Variants in RNF212 observed in about 807,000 individuals in gnomAD.
RNF212 encodes the protein probable E3 SUMO-protein ligase RNF212.
Under a neutral mutation model 34.7 loss-of-function variants are expected in RNF212, and 33 were observed. That is an observed-to-expected ratio of 0.95 (90% CI 0.72 to 1.27). The LOEUF (loss-of-function observed/expected upper bound fraction) is 1.27, where lower values mean the gene tolerates loss of function less well. Ranked by LOEUF, RNF212 falls within the 50% of genes most tolerant of loss-of-function variation. RNF212 has a pLI of 0.00. For synonymous variants in RNF212, 140 were observed against 136.1 expected (o/e 1.03, Z -0.20); for missense variants, 377 against 362.2 (o/e 1.04, Z -0.33).
chr4:1,085,639 A>G, intron 5 of RNF212: 2 of 550,010 alleles, frequency 3.6e-6, no homozygotes, highest in East Asian at 3.1e-5. Context: ...GGCCCCTCCC[A>G]CTGCCTCAGC....
chr4:1,066,843 T>C (rs1267370930), downstream of RNF212, among the ~76,000 whole-genome samples: 1 of 152,132 alleles, frequency 6.6e-6, no homozygotes, highest in African/African-American at 2.4e-5. Context: ...TTGCCTGTGC[T>C]TTGGTATCAT....
At position 1,113,343 on chromosome 4, in the gene RNF212, G is replaced by C. The variant is rs778525089; in HGVS notation, c.109+13C>G. 7.9e-6 allele frequency: 12 copies of C among 1,526,946 alleles called. No homozygotes were observed. Among genetic ancestry groups the C allele is most frequent in the South Asian group, 1.2e-5 (1 of 83,170 alleles). 94.6% of individuals were successfully genotyped at this position (1,526,946 alleles called of 1,614,324 possible). ...CCCCTCCCCTCTCCAGCCTGCGTTC[G>C]GGAAGCCCTGACCTTTGCCGAGGCA... is the stretch of plus-strand genomic sequence containing the variant. On this transcript the variant is annotated intron_variant, in intron 1 of 9. Transcript: ENST00000433731.
chr4:1,104,196 A>C (rs1005089560), intron 2 of RNF212, among the ~76,000 whole-genome samples: 2 of 152,234 alleles, frequency 1.3e-5, no homozygotes, highest in African/African-American at 4.8e-5. Flanking sequence ...CACAATAACA[A>C]TCCCAACAGG....
At chr4:1,093,707 T>G (rs1722571765) in intron 3 of RNF212, 1 of 1,536,110 alleles carries the variant, frequency 6.5e-7, no homozygotes, top group African/African-American at 1.4e-5. Flanking sequence ...CTGATGTCTG[T>G]GATAACAGAC....
At chr4:1,097,903 A>G (rs1363139515) in intron 2 of RNF212, among the ~76,000 whole-genome samples, 2 of 152,136 alleles carry the variant, frequency 1.3e-5, no homozygotes, top group African/African-American at 4.8e-5. Flanking sequence ...CATCTCTATC[A>G]AAAATACAAA....
At chr4:1,085,679 A>C in intron 5 of RNF212, 8 of 562,788 alleles carry the variant, frequency 1.4e-5, no homozygotes, top group Middle Eastern at 4.8e-4. Flanking sequence ...CCAAGGGGAA[A>C]CCATTCATCT....
chr4:1,059,522 C>T (rs1364523783), intron 3 of RNF212, among the ~76,000 whole-genome samples: 1 of 97,244 alleles, frequency 1.0e-5, no homozygotes, highest in Non-Finnish European at 2.1e-5. Context: ...AGCCCGTGTT[C>T]AGAGCCAACC....
At chr4:1,085,995 T>C (rs373007256) in intron 4 of RNF212, 41 bp from the exon 5 acceptor site, 135 of 1,394,820 alleles carry the variant, frequency 9.7e-5, no homozygotes, top group Non-Finnish European at 4.5e-5. Context: ...AGACAGGCTA[T>C]GCTGAGTGAC....
chr4:1,079,830 T>G (rs1720035600), intron 7 of RNF212, 142 bp from the exon 8 acceptor site: 4 of 686,124 alleles, frequency 5.8e-6, no homozygotes, highest in Non-Finnish European at 8.0e-6. Flanking sequence ...TTTAGCCACT[T>G]AGGCATCTGA....
At chr4:1,077,300 T>C (rs2153039778) in intron 8 of RNF212, among the ~76,000 whole-genome samples, 1 of 152,370 alleles carries the variant, frequency 6.6e-6, no homozygotes, top group Admixed American at 6.5e-5. Context: ...TGCCCCTCAC[T>C]TAGGAACTTT....
In RNF212 at chr4:1,073,213, A is replaced by G. The variant is rs746460092; in HGVS notation, c.575-20T>C. 2 of 1,611,130 alleles carry G rather than the reference A, an allele frequency of 1.2e-6. No individual in the cohort carries two copies. The highest frequency in any genetic ancestry group is 1.7e-5 in the Admixed American group (1 of 59,904). ...GTGGCCCTGCGGGAAGATGCAGGAG[A>G]CAGCGTGTGGGGAGATGGCCTGTGT... On this transcript the variant is annotated intron_variant, in intron 9 of 9. Transcript: ENST00000433731.
chr4:1,097,777 G>A (rs754353473), intron 2 of RNF212, among the ~76,000 whole-genome samples: 8 of 152,020 alleles, frequency 5.3e-5, no homozygotes, highest in Non-Finnish European at 1.2e-4. Flanking sequence ...AGAATCGCTT[G>A]AGCAGTCCAA....
intron 9 of RNF212, 120 bp from the exon 10 acceptor site, chr4:1,073,313 A>T (rs1455208199): frequency 7.4e-7 from 1 of 1,350,392 alleles, no homozygotes; most frequent in Non-Finnish European, 9.9e-7. Context: ...AAAGCCAATT[A>T]CCAGGAAGCA....
rs372331560 is a variant in RNF212, at chr4:1,079,652, C to T, written c.501G>A (p.Pro167=). The change falls in exon 8 of 10, where the codon CCG becomes CCA. Residue 167 remains proline (P), a synonymous_variant. Coordinates refer to ENST00000433731, the MANE Select transcript of RNF212 (RefSeq NM_001131034.4). ...GGAGAGATGCACTTACTTTTCTAAT[C>T]GGAGAAGGAGAGAGATCAACTTCCA... The part of the protein sequence containing the change: ...ESMEVDLSPS[P]IRKSEIAAGP... 6.8e-5 allele frequency: 110 copies of T among 1,608,554 alleles called. No homozygotes were observed. The highest frequency in any genetic ancestry group is 1.6e-4 in the Middle Eastern group (1 of 6,066).
Position 1,076,992 on chromosome 4 carries a change from C to T in RNF212, c.510+2651G>A, listed in dbSNP as rs534786405. Among the ~76,000 whole-genome samples the T allele has an allele frequency of 1.8e-4, 28 of 152,224 alleles. No homozygotes were observed. The South Asian group carries it at 1.9e-3, about 10-fold the overall frequency. ...AGGCTGTAATCCCAGCACTTTGGGA[C>T]GCTGAGGTGGGCAGATCACAAGGTC... On this transcript the variant is annotated intron_variant, in intron 8 of 9. Coordinates refer to ENST00000433731, the MANE Select transcript of RNF212 (RefSeq NM_001131034.4).
chr4:1,082,647 G>T (rs1271827340), intron 5 of RNF212, among the ~76,000 whole-genome samples: 1 of 152,242 alleles, frequency 6.6e-6, no homozygotes, highest in Admixed American at 6.5e-5. Context: ...TATCCTGACA[G>T]CCTGTGTCCC....
chr4:1,081,745 T>C, intron 5 of RNF212, 126 bp from the exon 6 acceptor site: 1 of 699,760 alleles, frequency 1.4e-6, no homozygotes, highest in Non-Finnish European at 2.5e-6. Context: ...GCAAACGGCA[T>C]TTCACATGAA....
chr4:1,061,545 G>T (rs1717750324), intron 3 of RNF212, among the ~76,000 whole-genome samples: 1 of 152,208 alleles, frequency 6.6e-6, no homozygotes, highest in South Asian at 2.1e-4. Flanking sequence ...GATGCCACAG[G>T]GGACCAGGAA....
At chr4:1,099,762 G>A in intron 2 of RNF212, 1 of 456,278 alleles carries the variant, frequency 2.2e-6, no homozygotes, top group Non-Finnish European at 4.4e-6. Flanking sequence ...CATGGCAGAG[G>A]GCGTAAGGAA....
Sources: gnomAD v4.1 joint callset for allele counts (sites outside exome capture counted in the v4.1 genomes callset) on GRCh38, gnomAD v4.1.1 for gene constraint, MANE v1.5 for transcripts, NCBI Gene and HGNC (gene_info 2026-07-23, HGNC 2026-07-21) for gene names.